Variants in ZNF536 observed in about 807,000 individuals in gnomAD.
The protein encoded by ZNF536 is zinc finger protein 536.
A neutral mutation model predicts 84.5 loss-of-function variants in ZNF536; 13 were observed. That is an observed-to-expected ratio of 0.15 (90% confidence interval 0.10 to 0.24). The LOEUF (loss-of-function observed/expected upper bound fraction) is 0.24. Ranked by LOEUF, ZNF536 falls within the 10% of genes least tolerant of loss-of-function variation. The pLI is 1.00. For missense variants in ZNF536, 1,536 were observed against 1,747.5 expected (o/e 0.88, Z 2.16); for synonymous variants, 811 against 742.5 (o/e 1.09, Z -1.50).
At chr19:30,612,692 A>G (rs781305969) in intron 1 of ZNF536, among the ~76,000 whole-genome samples, 5 of 152,328 alleles carry the variant, frequency 3.3e-5, no homozygotes, top group South Asian at 4.1e-4. Flanking sequence ...AGATTTTCTA[A>G]AAGAGTTTAA....
At chr19:30,411,072 A>G (rs1187522776) in intron 1 of ZNF536, among the ~76,000 whole-genome samples, 1 of 152,176 alleles carries the variant, frequency 6.6e-6, no homozygotes, top group African/African-American at 2.4e-5. Flanking sequence ...TGATTGAATC[A>G]TTTCCATTCT....
intron 1 of ZNF536, among the ~76,000 whole-genome samples, chr19:30,644,864 A>G (rs960098278): frequency 1.6e-4 from 25 of 152,262 alleles, no homozygotes; most frequent in Middle Eastern, 3.4e-3. Flanking sequence ...GTGATTTATA[A>G]TCCTTTGGGT....
intron 1 of ZNF536, among the ~76,000 whole-genome samples, chr19:30,234,772 C>CG (rs2023353099): frequency 7.4e-6 from 1 of 136,036 alleles, no homozygotes; most frequent in African/African-American, 2.6e-5. Flanking sequence ...CACACACACA[C>CG]ACGCGCACAC....
In ZNF536 at chr19:30,444,393, C is replaced by A. The variant is rs1278227992; in HGVS notation, c.831C>A (p.Thr277=). The part of the protein sequence containing the change: ...AVAPAAGFRC[T]FCKGKFKKRE... The stretch of plus-strand genomic sequence containing the variant: ...CCCCGGCGGCGGGCTTCCGCTGTAC[C>A]TTCTGCAAGGGCAAGTTCAAGAAGC... Residue 277 remains threonine (T), a synonymous_variant, in exon 2 of 5, where the codon ACC becomes ACA. Transcript: ENST00000355537. The A allele has an allele frequency of 1.9e-6, 3 of 1,606,750 alleles. No homozygotes were observed. Among genetic ancestry groups the A allele is most frequent in the Non-Finnish European group, 2.5e-6 (3 of 1,179,762 alleles).
chr19:30,440,101 C>T (rs1162945874), intron 1 of ZNF536, among the ~76,000 whole-genome samples: 3 of 151,558 alleles, frequency 2.0e-5, no homozygotes, highest in South Asian at 2.1e-4. Flanking sequence ...GCTGGGATTA[C>T]AGGCACCCAT....
In ZNF536 at chr19:30,458,447, G is replaced by GTTTTTTTTTTTTTTTTTTTTTT. The variant is rs3084731; in HGVS notation, c.2170+12717_2170+12738dup. On this transcript the variant is annotated intron_variant, in intron 2 of 4. Coordinates refer to ENST00000355537, the MANE Select transcript of ZNF536 (RefSeq NM_014717.3). The stretch of plus-strand genomic sequence containing the variant: ...CCAAGTATTTCCTCAATTTCCTGCT[G>GTTTTTTTTTTTTTTTTTTTTTT]TTTTTTTTTTTTTTTTTTTTTTTGA... Among the ~76,000 whole-genome samples the GTTTTTTTTTTTTTTTTTTTTTT allele has an allele frequency of 7.2e-5, 6 of 83,488 alleles. 2 individuals carry two copies. The highest frequency in any genetic ancestry group is 3.4e-4 in the African/African-American group (6 of 17,908). The allele number at this position is 83,488 out of a possible 152,430, so 54.8% of individuals were successfully genotyped here.
intron 3 of ZNF536, among the ~76,000 whole-genome samples, chr19:30,544,984 C>G (rs190529751): frequency 4.6e-5 from 7 of 152,310 alleles, no homozygotes; most frequent in Admixed American, 1.3e-4. Flanking sequence ...GACTGTCTTC[C>G]CTGCTAAACC....
chr19:30,547,709 A>G (rs1056164562), intron 3 of ZNF536, among the ~76,000 whole-genome samples: 1 of 152,226 alleles, frequency 6.6e-6, no homozygotes, highest in Non-Finnish European at 1.5e-5. Context: ...TAGATAAAGA[A>G]AAAGATAGCT....
At chr19:30,430,939 G>C (rs2051430264) in intron 1 of ZNF536, among the ~76,000 whole-genome samples, 1 of 152,232 alleles carries the variant, frequency 6.6e-6, no homozygotes. Flanking sequence ...GCCTCCCAAA[G>C]AGCTGGGATT....
chr19:30,648,497 C>T (rs1362753475), intron 1 of ZNF536, among the ~76,000 whole-genome samples: 1 of 152,162 alleles, frequency 6.6e-6, no homozygotes, highest in African/African-American at 2.4e-5. Context: ...GGTGTGAGCC[C>T]CCACCCCTCC....
intron 1 of ZNF536, among the ~76,000 whole-genome samples, chr19:30,632,974 A>G (rs933110673): frequency 6.6e-6 from 1 of 152,220 alleles, no homozygotes; most frequent in Non-Finnish European, 1.5e-5. Context: ...CAGATTCTAG[A>G]TGGTCCATGA....
intron 1 of ZNF536, among the ~76,000 whole-genome samples, chr19:30,384,818 G>A (rs1010523301): frequency 6.6e-6 from 1 of 152,106 alleles, no homozygotes; most frequent in Non-Finnish European, 1.5e-5. Flanking sequence ...CTTAAGGCCA[G>A]GAGTTTGAGA....
chr19:30,480,845 G>C (rs1046052498), intron 2 of ZNF536, among the ~76,000 whole-genome samples: 2 of 152,122 alleles, frequency 1.3e-5, no homozygotes, highest in African/African-American at 4.8e-5. Context: ...AGACCAGCCT[G>C]GCCAACATGG....
chr19:30,455,158 C>A (rs1480112766), intron 2 of ZNF536, among the ~76,000 whole-genome samples: 1 of 152,024 alleles, frequency 6.6e-6, no homozygotes, highest in Non-Finnish European at 1.5e-5. Flanking sequence ...TTTTTTCTTA[C>A]TATAAAGTAA....
chr19:30,330,570 C>G (rs2047179130), intron 2 of ZNF536, among the ~76,000 whole-genome samples: 2 of 152,128 alleles, frequency 1.3e-5, no homozygotes, highest in African/African-American at 4.8e-5. Flanking sequence ...GCCTCAGGCT[C>G]CCATTTCTAG....
At chr19:30,225,687 T>TGG (rs56684430), upstream of ZNF536, among the ~76,000 whole-genome samples, 10,438 of 83,852 alleles carry the variant, frequency 0.12, 487 homozygotes, top group Admixed American at 0.18. Context: ...AAAACAAAGG[T>TGG]GGGGGGGGGA....
intron 1 of ZNF536, among the ~76,000 whole-genome samples, chr19:30,390,730 G>A (rs935966749): frequency 1.3e-5 from 2 of 152,160 alleles, no homozygotes; most frequent in African/African-American, 4.8e-5. Context: ...CAGGAGGCAG[G>A]CAGCCCCGTG....
At chr19:30,274,502 T>C (rs2026020514) in intron 1 of ZNF536, among the ~76,000 whole-genome samples, 1 of 152,240 alleles carries the variant, frequency 6.6e-6, no homozygotes, top group South Asian at 2.1e-4. Context: ...ACAGCGCATC[T>C]CAATTTGGAC....
chr19:30,367,537 G>A (rs1412313641), upstream of ZNF536, among the ~76,000 whole-genome samples: 1 of 152,164 alleles, frequency 6.6e-6, no homozygotes, highest in Non-Finnish European at 1.5e-5. Context: ...GCAAAGCCCA[G>A]GGCATGTGGA....
Sources: allele counts gnomAD v4.1 joint callset (sites outside exome capture counted in the v4.1 genomes callset), GRCh38; gene constraint gnomAD v4.1.1; transcripts MANE v1.5; gene names NCBI Gene and HGNC (gene_info 2026-07-23, HGNC 2026-07-21).